Variants in TRDN observed in about 807,000 individuals in gnomAD.
TRDN encodes triadin in skeletal muscle.
A neutral mutation model predicts 149.7 loss-of-function variants in TRDN; 161 were observed. The observed-to-expected ratio is 1.08, with a 90% confidence interval of 0.95 to 1.23. The LOEUF (loss-of-function observed/expected upper bound fraction) is 1.23. Among genes scored for constraint, TRDN ranks in the 50% most tolerant of loss-of-function variants. The pLI is 0.00. For synonymous variants in TRDN, 294 were observed against 250.5 expected, an observed-to-expected ratio of 1.17 and a Z score of -1.64; for missense variants, 896 against 823.5, an observed-to-expected ratio of 1.09 and a Z score of -1.08.
chr6:123,590,061 T>G (rs994735133), intron 1 of TRDN, among the ~76,000 whole-genome samples: 1 of 152,164 alleles, frequency 6.6e-6, no homozygotes, highest in African/African-American at 2.4e-5. Flanking sequence ...TTTTAATATG[T>G]ATGTGTATAT....
intron 24 of TRDN, among the ~76,000 whole-genome samples, chr6:123,315,949 T>C (rs1390376871): frequency 6.6e-6 from 1 of 151,928 alleles, no homozygotes; most frequent in Non-Finnish European, 1.5e-5. Flanking sequence ...TACTTCTCCA[T>C]AAAATATTTG....
chr6:123,580,343 C>A (rs1454785576), intron 1 of TRDN, among the ~76,000 whole-genome samples: 1 of 151,964 alleles, frequency 6.6e-6, no homozygotes, highest in Non-Finnish European at 1.5e-5. Context: ...AATTTAAAAG[C>A]TGGAATTTAA....
chr6:123,298,353 T>C (rs1778282911), intron 24 of TRDN, among the ~76,000 whole-genome samples: 1 of 152,026 alleles, frequency 6.6e-6, no homozygotes, highest in Non-Finnish European at 1.5e-5. Flanking sequence ...GTCCTTTCTC[T>C]TTTTTGCTAC....
intron 12 of TRDN, among the ~76,000 whole-genome samples, chr6:123,395,315 T>A (rs369381816): frequency 6.6e-6 from 1 of 152,140 alleles, no homozygotes; most frequent in East Asian, 1.9e-4. Context: ...AATTATGTAG[T>A]GCTTTTCCTA....
intron 24 of TRDN, among the ~76,000 whole-genome samples, chr6:123,303,703 T>C (rs1778509489): frequency 6.6e-6 from 1 of 152,072 alleles, no homozygotes; most frequent in Non-Finnish European, 1.5e-5. Flanking sequence ...CTGGTGATGG[T>C]TGTGGTGGAT....
At chr6:123,382,896 A>T (rs537807241) in intron 14 of TRDN, among the ~76,000 whole-genome samples, 1 of 152,146 alleles carries the variant, frequency 6.6e-6, no homozygotes, top group Non-Finnish European at 1.5e-5. Context: ...TTTAAGATTG[A>T]AGCACCTGAG....
At chr6:123,221,565 C>T (rs1413716645) in intron 39 of TRDN, 43 bp from the exon 40 acceptor site, 1 of 1,321,592 alleles carries the variant, frequency 7.6e-7, no homozygotes, top group Non-Finnish European at 1.1e-6. Context: ...TGTACATTTA[C>T]AACTTTTATA....
At chr6:123,403,337 G>A (rs873460) in intron 12 of TRDN, among the ~76,000 whole-genome samples, 54,071 of 151,986 alleles carry the variant, frequency 0.36, 10,162 homozygotes, top group Middle Eastern at 0.46. Context: ...CTTTAGAGCT[G>A]TAAGGTGGAC....
chr6:123,516,035 A>G, intron 6 of TRDN, 106 bp downstream of exon 6: 1 of 1,153,522 alleles, frequency 8.7e-7, no homozygotes, highest in Non-Finnish European at 1.1e-6. Context: ...AATAATCCTA[A>G]TCTAATTTGT....
intron 12 of TRDN, among the ~76,000 whole-genome samples, chr6:123,433,134 C>T (rs1192502638): frequency 9.5e-6 from 1 of 105,764 alleles, no homozygotes; most frequent in African/African-American, 3.3e-5. Context: ...CCTTCCCCCA[C>T]ACATCATAAA....
chr6:123,341,355 G>T (rs904773229), intron 21 of TRDN, among the ~76,000 whole-genome samples: 1 of 151,800 alleles, frequency 6.6e-6, no homozygotes. Context: ...TTGGGCTAAA[G>T]AACTTGGTAA....
At chr6:123,355,730 C>T (rs1780644797) in intron 20 of TRDN, among the ~76,000 whole-genome samples, 1 of 151,746 alleles carries the variant, frequency 6.6e-6, no homozygotes, top group Non-Finnish European at 1.5e-5. Flanking sequence ...GATATCTTTA[C>T]AAAATCAAGT....
chr6:123,278,898 T>C (rs1220796784), intron 25 of TRDN, among the ~76,000 whole-genome samples, 158 bp downstream of exon 25: 1 of 152,168 alleles, frequency 6.6e-6, no homozygotes, highest in Non-Finnish European at 1.5e-5. Flanking sequence ...GAAATACATG[T>C]AAGAAAATGA....
intron 1 of TRDN, among the ~76,000 whole-genome samples, chr6:123,604,151 C>T (rs946702195): frequency 6.6e-6 from 1 of 152,162 alleles, no homozygotes; most frequent in African/African-American, 2.4e-5. Context: ...CTGATCCTTC[C>T]CTCAAGGGTC....
chr6:123,443,219 A>AT lies in TRDN; in HGVS notation c.932-4217dup, dbSNP rs1168863032. On this transcript the variant is annotated intron_variant, in intron 10 of 40. Transcript: ENST00000334268. Reference sequence around the variant, plus strand: ...TAAAATGAATATGTATGTATATAATATATATATACATATACATATTATATA... The same window carrying AT: ...TAAAATGAATATGTATGTATATAATATTATATATACATATACATATTATATA... 5.4e-5 allele frequency among the ~76,000 whole-genome samples: 8 copies of AT among 149,084 alleles called. No individual in the cohort carries two copies. In the East Asian group the frequency reaches 1.6e-3, roughly 29 times the overall value.
intron 24 of TRDN, among the ~76,000 whole-genome samples, chr6:123,311,627 A>G (rs1423595357): frequency 1.3e-5 from 2 of 152,028 alleles, no homozygotes; most frequent in Admixed American, 6.6e-5. Flanking sequence ...TCAGTAGGCC[A>G]TAAGAACTTT....
chr6:123,306,526 A>C (rs921241438), intron 24 of TRDN, among the ~76,000 whole-genome samples: 4 of 152,104 alleles, frequency 2.6e-5, no homozygotes, highest in African/African-American at 9.7e-5. Flanking sequence ...CAGGGCTCCA[A>C]GAATGTAATT....
At chr6:123,219,524 T>C (rs2114494265) in intron 40 of TRDN, among the ~76,000 whole-genome samples, 1 of 151,724 alleles carries the variant, frequency 6.6e-6, no homozygotes, top group East Asian at 2.0e-4. Flanking sequence ...AAGCTAGTGG[T>C]GTGTGGGAGA....
chr6:123,544,338 G>A lies in TRDN; in HGVS notation c.424+3002C>T, dbSNP rs1181335786. On this transcript the variant is annotated intron_variant, in intron 4 of 40. Coordinates refer to ENST00000334268, the MANE Select transcript of TRDN (RefSeq NM_006073.4). ...ACTTAATTTTTTTGTCTCCTTCCAAGTAACGTTGAATACCACAAAGAACCA... is the reference window on the plus strand; with the variant it reads ...ACTTAATTTTTTTGTCTCCTTCCAAATAACGTTGAATACCACAAAGAACCA... 2.0e-5 allele frequency among the ~76,000 whole-genome samples: 3 copies of A among 150,938 alleles called. No homozygotes were observed. The East Asian group carries it at 5.9e-4, about 30-fold the overall frequency.
Sources: allele counts gnomAD v4.1 joint callset (sites outside exome capture counted in the v4.1 genomes callset), GRCh38; gene constraint gnomAD v4.1.1; transcripts MANE v1.5; gene names NCBI Gene and HGNC (gene_info 2026-07-23, HGNC 2026-07-21).